KLF18: variants seen among roughly 807,000 people sequenced by gnomAD.
KLF18 encodes the protein Kruppel-like factor 18.
In KLF18 at chr1:44,139,278, G is replaced by A. The variant is rs558743039; in HGVS notation, c.2354C>T (p.Thr785Met). Residue 785 changes from threonine (T) to methionine (M), a missense_variant, in exon 1 of 2, where the codon ACG becomes ATG. Transcript: ENST00000634670. ...SNQTLCGEQM[T>M]TPTSNQTLCG... is the part of the protein sequence containing the mutation. ...GAGGGTCTGGTTACTAGTGGGGGTC[G>A]TCATCTGCTCTCCACAGAGGGTCTG... The A allele has an allele frequency of 6.3e-5, 24 of 381,746 alleles. 2 individuals carry two copies. In the East Asian group the frequency reaches 6.4e-4, roughly 10 times the overall value. The allele number at this position is 381,746 out of a possible 1,614,324, so 23.6% of individuals were successfully genotyped here. A position where few individuals can be genotyped will look rare whatever the true frequency, so the allele number is the denominator to read the frequency against.
In KLF18 at chr1:44,140,117, C is replaced by A. The variant is rs928686193; in HGVS notation, c.1515G>T (p.Met505Ile). 2 of 385,620 alleles carry A rather than the reference C, an allele frequency of 5.2e-6. No individual in the cohort carries two copies. Among genetic ancestry groups the A allele is most frequent in the African/African-American group, 4.5e-5 (2 of 44,132 alleles). 23.9% of individuals were successfully genotyped at this position (385,620 alleles called of 1,614,324 possible). Reference protein sequence around the residue: ...GNQTLYWGQMMTSTGNQNLCG... With the variant: ...GNQTLYWGQMITSTGNQNLCG... ...AGAGGTTCTGGTTACCAGTGGAGGT[C>A]ATCATCTGCCCCCAGTAGAGGGTCT... The change falls in exon 1 of 2, where the codon ATG becomes ATT. Residue 505 changes from methionine to isoleucine, a missense_variant. Coordinates refer to ENST00000634670, the MANE Select transcript of KLF18 (RefSeq NM_001358438.1).
In KLF18 at chr1:44,140,192, A is replaced by G; in HGVS notation, c.1440T>C (p.Thr480=). ...TLCGEQVTTS[T]GNQALYGGQM... Reference sequence around the variant, plus strand: ...GCCCCCCGTAGAGGGCCTGGTTACCAGTGGAGGTCGTCACCTGCTCCCCAC... The same window carrying G: ...GCCCCCCGTAGAGGGCCTGGTTACCGGTGGAGGTCGTCACCTGCTCCCCAC... Residue 480 remains threonine (T), a synonymous_variant, in exon 1 of 2, where the codon ACT becomes ACC. Transcript: ENST00000634670. 2.5e-6 allele frequency: 1 copy of G among 394,334 alleles called. No homozygotes were observed. The highest frequency in any genetic ancestry group is 4.4e-6 in the Non-Finnish European group (1 of 225,224). 24.4% of individuals were successfully genotyped at this position (394,334 alleles called of 1,614,324 possible). A position where few individuals can be genotyped will look rare whatever the true frequency, so the allele number is the denominator to read the frequency against.
At position 44,141,168 on chromosome 1, in the gene KLF18, C is replaced by T. The variant is rs1643237106; in HGVS notation, c.464G>A (p.Ser155Asn). The stretch of plus-strand genomic sequence containing the variant: ...CTGACTCTCATTGAGGGTCTGGTCA[C>T]TGCTTGGGGTGTTCAGCTGGCTACT... ...NESSQLNTPS[S>N]DQTLNESQIP... is the part of the protein sequence containing the mutation. The change falls in exon 1 of 2, where the codon AGT (serine) becomes AAT (asparagine). Residue 155 changes from serine to asparagine, a missense_variant. By Grantham distance (46) the Ser-to-Asn change is conservative. Coordinates refer to ENST00000634670, the MANE Select transcript of KLF18 (RefSeq NM_001358438.1). 1 of 398,462 alleles carries T rather than the reference C, an allele frequency of 2.5e-6. No homozygotes were observed. The highest frequency in any genetic ancestry group is 1.3e-4 in the South Asian group (1 of 7,848). 24.7% of individuals were successfully genotyped at this position (398,462 alleles called of 1,614,324 possible). A position where few individuals can be genotyped will look rare whatever the true frequency, so the allele number is the denominator to read the frequency against.
chr1:44,139,741 T>C lies in KLF18; in HGVS notation c.1891A>G (p.Thr631Ala), dbSNP rs1214432124. The change falls in exon 1 of 2, where the codon ACA becomes GCA. Residue 631 changes from threonine (T) to alanine (A), a missense_variant. Transcript: ENST00000634670. ...GNQALYGGQM[T>A]TSASNQTLCG... ...AGGGTCTGGTTACTAGCAGAGGTTG[T>C]CATCTGCCCCCCGTAGAGGGCCTGG... 1 of 396,088 alleles carries C rather than the reference T, an allele frequency of 2.5e-6. No homozygotes were observed. The highest frequency in any genetic ancestry group is 4.4e-6 in the Non-Finnish European group (1 of 225,644). The allele number at this position is 396,088 out of a possible 1,614,324, so 24.5% of individuals were successfully genotyped here. A position where few individuals can be genotyped will look rare whatever the true frequency, so the allele number is the denominator to read the frequency against.
Position 44,138,022 on chromosome 1 carries a change from C to G in KLF18, c.2969-11G>C, listed in dbSNP as rs565728217. ...CATAGGGCTTCTCCCCTGGACCAGA[C>G]AGAGAGAGAGAGACCTGTCATACAT... On this transcript the variant is annotated splice_polypyrimidine_tract_variant and intron_variant, in intron 1 of 1. Transcript: ENST00000634670. 2.5e-6 allele frequency: 1 copy of G among 397,664 alleles called. No individual in the cohort carries two copies. Among genetic ancestry groups the G allele is most frequent in the South Asian group, 1.3e-4 (1 of 7,826 alleles). 24.6% of individuals were successfully genotyped at this position (397,664 alleles called of 1,614,324 possible).
At chr1:44,138,146 A>G in intron 1 of KLF18, 135 bp from the exon 2 acceptor site, 1 of 396,586 alleles carries the variant, frequency 2.5e-6, no homozygotes, top group Non-Finnish European at 4.4e-6. Context: ...GGAGTGGTGG[A>G]GGTGAGTGAA....
rs942017389 is a variant in KLF18 at position 44,140,937 on chromosome 1, G to A, written c.695C>T (p.Thr232Ile). 1.8e-5 allele frequency: 7 copies of A among 398,690 alleles called. No homozygotes were observed. Among genetic ancestry groups the A allele is most frequent in the African/African-American group, 1.0e-4 (5 of 48,632 alleles). The allele number at this position is 398,690 out of a possible 1,614,324, so 24.7% of individuals were successfully genotyped here. ...GGTCGTCATCTGCTCCCCACAGAGG[G>A]TCTGGTTATCAATGGAAGTCATCAT... is the stretch of plus-strand genomic sequence containing the variant. ...GQMMTSIDNQTLCGEQMTTSS... is the reference protein window; with the variant it reads ...GQMMTSIDNQILCGEQMTTSS... The change falls in exon 1 of 2, where the codon ACC becomes ATC. Residue 232 changes from threonine to isoleucine, a missense_variant. Physicochemically the swap from Thr to Ile is moderately conservative, Grantham distance 89. Coordinates refer to ENST00000634670, the MANE Select transcript of KLF18 (RefSeq NM_001358438.1).
At position 44,140,122 on chromosome 1, in the gene KLF18, T is replaced by C; in HGVS notation, c.1510A>G (p.Met504Val). 2 of 386,380 alleles carry C rather than the reference T, an allele frequency of 5.2e-6. No homozygotes were observed. The highest frequency in any genetic ancestry group is 3.7e-5 in the East Asian group (1 of 27,080). The allele number at this position is 386,380 out of a possible 1,614,324, so 23.9% of individuals were successfully genotyped here. ...TTCTGGTTACCAGTGGAGGTCATCA[T>C]CTGCCCCCAGTAGAGGGTCTGGTTA... ...TGNQTLYWGQ[M>V]MTSTGNQNLC... Residue 504 changes from methionine (M) to valine (V), a missense_variant, in exon 1 of 2, where the codon ATG (methionine) becomes GTG (valine). Met to Val is a conservative substitution (Grantham distance 21). Transcript: ENST00000634670.
chr1:44,138,684 G>A lies in KLF18; in HGVS notation c.2948C>T (p.Thr983Ile). The change falls in exon 1 of 2, where the codon ACC becomes ATC. Residue 983 changes from threonine to isoleucine, a missense_variant. Thr to Ile is a moderately conservative substitution (Grantham distance 89). Transcript: ENST00000634670. ...CTCACCGGTGTGCTTGCGCATGTGG[G>A]TTCGGAGGTGGCAAGCCTTTGAATA... ...MSYSKACHLR[T>I]HMRKHTGEKP... 2.5e-6 allele frequency: 1 copy of A among 398,632 alleles called. No homozygotes were observed. The highest frequency in any genetic ancestry group is 4.4e-6 in the Non-Finnish European group (1 of 226,064). 24.7% of individuals were successfully genotyped at this position (398,632 alleles called of 1,614,324 possible).
At position 44,140,603 on chromosome 1, in the gene KLF18, C is replaced by G; in HGVS notation, c.1029G>C (p.Gln343His). Reference protein sequence around the residue: ...GGQMMTSTGNQTLYWGQMMTS... With the variant: ...GGQMMTSTGNHTLYWGQMMTS... The stretch of plus-strand genomic sequence containing the variant: ...TCATCATCTGCCCCCAGTAGAGGGT[C>G]TGGTTACCAGTGGAGGTCATCATCT... Residue 343 changes from glutamine to histidine, a missense_variant, in exon 1 of 2, where the codon CAG becomes CAC. Physicochemically the swap from Gln to His is conservative, Grantham distance 24. Transcript: ENST00000634670. 3.1e-6 allele frequency: 1 copy of G among 323,384 alleles called. No individual in the cohort carries two copies. Among genetic ancestry groups the G allele is most frequent in the Non-Finnish European group, 5.2e-6 (1 of 194,172 alleles). The allele number at this position is 323,384 out of a possible 1,614,324, so 20.0% of individuals were successfully genotyped here.
rs1571998849 is a variant in KLF18, at chr1:44,138,009, C to G, written c.2971G>C (p.Glu991Gln). ...TCTACATCGCATACATAGGGCTTCT[C>G]CCCTGGACCAGACAGAGAGAGAGAG... ...LRTHMRKHTGEKPYVCDVEGC... is the reference protein window; with the variant it reads ...LRTHMRKHTGQKPYVCDVEGC... Residue 991 changes from glutamate (E) to glutamine (Q), a missense_variant and splice_region_variant, in exon 2 of 2, where the codon GAG becomes CAG. Physicochemically the swap from Glu to Gln is conservative, Grantham distance 29. Transcript: ENST00000634670. 1 of 398,646 alleles carries G rather than the reference C, an allele frequency of 2.5e-6. No homozygotes were observed. The highest frequency in any genetic ancestry group is 3.6e-5 in the East Asian group (1 of 28,082). The allele number at this position is 398,646 out of a possible 1,614,324, so 24.7% of individuals were successfully genotyped here.
intron 1 of KLF18, 86 bp from the exon 2 acceptor site, chr1:44,138,097 G>A (rs1180151717): frequency 2.5e-6 from 1 of 397,704 alleles, no homozygotes; most frequent in East Asian, 3.6e-5. Flanking sequence ...AAACGTTTTT[G>A]AACAAGTTGG....
chr1:44,138,999 T>C lies in KLF18; in HGVS notation c.2633A>G (p.Tyr878Cys), dbSNP rs188528937. The C allele has an allele frequency of 3.6e-4, 143 of 397,962 alleles. No homozygotes were observed. Among genetic ancestry groups the C allele is most frequent in the Non-Finnish European group, 6.1e-4 (138 of 226,050 alleles). 24.7% of individuals were successfully genotyped at this position (397,962 alleles called of 1,614,324 possible). A position where few individuals can be genotyped will look rare whatever the true frequency, so the allele number is the denominator to read the frequency against. ...ACTATATGTTGCCATCTGGCCTCCA[T>C]AGAGGGCCTGGTTATCAGTGGAGGT... ...NMTSTDNQAL[Y>C]GGQMATYSGN... The change falls in exon 1 of 2, where the codon TAT becomes TGT. Residue 878 changes from tyrosine (Y) to cysteine (C), a missense_variant. Tyr to Cys is a radical substitution (Grantham distance 194). Coordinates refer to ENST00000634670, the MANE Select transcript of KLF18 (RefSeq NM_001358438.1).
Position 44,139,248 on chromosome 1 carries a change from C to T in KLF18, c.2384G>A (p.Gly795Glu), listed in dbSNP as rs1386020017. ...ACCAGTGGAGGTCGTCACCTGCTCC[C>T]CACAGAGGGTCTGGTTACTAGTGGG... ...TTPTSNQTLC[G>E]EQVTTSTGNQ... Residue 795 changes from glycine to glutamate, a missense_variant, in exon 1 of 2, where the codon GGG (glycine) becomes GAG (glutamate). Coordinates refer to ENST00000634670, the MANE Select transcript of KLF18 (RefSeq NM_001358438.1). 3 of 389,232 alleles carry T rather than the reference C, an allele frequency of 7.7e-6. No individual in the cohort carries two copies. The highest frequency in any genetic ancestry group is 1.3e-4 in the South Asian group (1 of 7,510). 24.1% of individuals were successfully genotyped at this position (389,232 alleles called of 1,614,324 possible).
rs915185948 is a variant in KLF18, at chr1:44,141,013, T to C, written c.619A>G (p.Thr207Ala). ...GHTVTSGSDE[T>A]LSGGQMTTSL... ...GTTGTCATTTGGCCCCCAGAGAGGG[T>C]CTCATCGCTACCGGAAGTCACTGTA... is the stretch of plus-strand genomic sequence containing the variant. Residue 207 changes from threonine to alanine, a missense_variant, in exon 1 of 2, where the codon ACC (threonine) becomes GCC (alanine). Coordinates refer to ENST00000634670, the MANE Select transcript of KLF18 (RefSeq NM_001358438.1). The C allele has an allele frequency of 1.3e-5, 5 of 398,586 alleles. No individual in the cohort carries two copies. Among genetic ancestry groups the C allele is most frequent in the African/African-American group, 2.1e-5 (1 of 48,680 alleles). 24.7% of individuals were successfully genotyped at this position (398,586 alleles called of 1,614,324 possible). A position where few individuals can be genotyped will look rare whatever the true frequency, so the allele number is the denominator to read the frequency against.
rs1334942530 is a variant in KLF18 at position 44,139,897 on chromosome 1, T to C, written c.1735A>G (p.Ser579Gly). 1.1e-5 allele frequency: 4 copies of C among 365,506 alleles called. No homozygotes were observed. The highest frequency in any genetic ancestry group is 2.4e-5 in the African/African-American group (1 of 42,278). 22.6% of individuals were successfully genotyped at this position (365,506 alleles called of 1,614,324 possible). Residue 579 changes from serine to glycine, a missense_variant, in exon 1 of 2, where the codon AGT (serine) becomes GGT (glycine). Coordinates refer to ENST00000634670, the MANE Select transcript of KLF18 (RefSeq NM_001358438.1). The stretch of plus-strand genomic sequence containing the variant: ...TGCTCTCCACAGAGGGTCTGGTTAC[T>C]AGTGGAGGTCGTGATCTGCCCCCCG... ...LYGGQITTST[S>G]NQTLCGEQMT...
In KLF18 at chr1:44,141,337, T is replaced by A. The variant is rs553444394; in HGVS notation, c.295A>T (p.Met99Leu). The change falls in exon 1 of 2, where the codon ATG becomes TTG. Residue 99 changes from methionine to leucine, a missense_variant. Physicochemically the swap from Met to Leu is conservative, Grantham distance 15. Transcript: ENST00000634670. ...TCAAAGGAAGTCACTTTCTGGCCCA[T>A]GGAATAAGTCTCACTTAGGTCTTCA... ...ALEDLSETYS[M>L]GQKVTSFDQV... 4.0e-5 allele frequency: 16 copies of A among 398,660 alleles called. No individual in the cohort carries two copies. The South Asian group carries it at 6.4e-4, about 16-fold the overall frequency. 24.7% of individuals were successfully genotyped at this position (398,660 alleles called of 1,614,324 possible).
At position 44,139,140 on chromosome 1, in the gene KLF18, C is replaced by T. The variant is rs1367192651; in HGVS notation, c.2492G>A (p.Ser831Asn). The T allele has an allele frequency of 1.0e-5, 4 of 393,206 alleles. No homozygotes were observed. Among genetic ancestry groups the T allele is most frequent in the East Asian group, 7.3e-5 (2 of 27,524 alleles). 24.4% of individuals were successfully genotyped at this position (393,206 alleles called of 1,614,324 possible). ...LCGEQMTTST[S>N]NQTLCGEQVT... Reference sequence around the variant, plus strand: ...CTGCTCCCCACAGAGGGTCTGGTTACTAGTGGAGGTCGTCATCTGCTCTCC... The same window carrying T: ...CTGCTCCCCACAGAGGGTCTGGTTATTAGTGGAGGTCGTCATCTGCTCTCC... Residue 831 changes from serine (S) to asparagine (N), a missense_variant, in exon 1 of 2, where the codon AGT becomes AAT. Coordinates refer to ENST00000634670, the MANE Select transcript of KLF18 (RefSeq NM_001358438.1).
rs887765176 is a variant in KLF18 at position 44,140,154 on chromosome 1, G to C, written c.1478C>G (p.Ser493Cys). Reference sequence around the variant, plus strand: ...CCAGTAGAGGGTCTGGTTACCAGTGGAGGTCATCATCTGCCCCCCGTAGAG... The same window carrying C: ...CCAGTAGAGGGTCTGGTTACCAGTGCAGGTCATCATCTGCCCCCCGTAGAG... ...QALYGGQMMT[S>C]TGNQTLYWGQ... is the part of the protein sequence containing the mutation. The change falls in exon 1 of 2, where the codon TCC (serine) becomes TGC (cysteine). Residue 493 changes from serine to cysteine, a missense_variant. Ser to Cys is a moderately radical substitution (Grantham distance 112). Transcript: ENST00000634670. 5.1e-6 allele frequency: 2 copies of C among 389,144 alleles called. No homozygotes were observed. The highest frequency in any genetic ancestry group is 8.9e-6 in the Non-Finnish European group (2 of 223,812). 24.1% of individuals were successfully genotyped at this position (389,144 alleles called of 1,614,324 possible).
Sources: gnomAD v4.1 joint callset for allele counts on GRCh38, gnomAD v4.1.1 for gene constraint, MANE v1.5 for transcripts, NCBI Gene and HGNC (gene_info 2026-07-23, HGNC 2026-07-21) for gene names.